Variants in DNAH8 observed in about 807,000 individuals in gnomAD.
The protein encoded by DNAH8 is axonemal beta dynein heavy chain 8.
A neutral mutation model predicts 562.1 loss-of-function variants in DNAH8; 382 were observed. That is an observed-to-expected ratio of 0.68 (90% CI 0.63 to 0.74). DNAH8 has a LOEUF of 0.74. Ranked by LOEUF, DNAH8 falls within the 30% of genes least tolerant of loss-of-function variation. The pLI is 0.00. For missense variants in DNAH8, 5,203 were observed against 5,620.4 expected (o/e 0.93, Z 2.37); for synonymous variants, 1,881 against 1,919.4 (o/e 0.98, Z 0.52).
At chr6:38,843,212 G>GTGAATCCCTC (rs1774974194) in intron 35 of DNAH8, among the ~76,000 whole-genome samples, 1 of 150,904 alleles carries the variant, frequency 6.6e-6, no homozygotes, top group Admixed American at 6.6e-5. Context: ...TGTGTTCTTG[G>GTGAATCCCTC]TGAATCCCTC....
intron 8 of DNAH8, among the ~76,000 whole-genome samples, chr6:38,743,303 C>T (rs970884372): frequency 6.6e-6 from 1 of 152,070 alleles, no homozygotes; most frequent in Non-Finnish European, 1.5e-5. Flanking sequence ...GTGCCTTGCC[C>T]AAAATGTTAA....
In DNAH8 at chr6:38,899,804, G is replaced by C. The variant is rs775756367; in HGVS notation, c.9092G>C (p.Gly3031Ala). The change falls in exon 62 of 93, where the codon GGA becomes GCA. Residue 3031 changes from glycine (G) to alanine (A), a missense_variant. Around this residue, in one of 6 missense-constraint regions of DNAH8, gnomAD observed 977 missense variants for 1,061.8 expected, o/e 0.92. Coordinates refer to ENST00000327475, the MANE Select transcript of DNAH8 (RefSeq NM_001206927.2). ...TCACGAATAATTCGAACGTCGTGTG[G>C]AAATGCATTGCTGGTGGGTGTTGGT... ...KISRIIRTSC[G>A]NALLVGVGGS... 1 of 1,613,606 alleles carries C rather than the reference G, an allele frequency of 6.2e-7. No homozygotes were observed. Among genetic ancestry groups the C allele is most frequent in the Non-Finnish European group, 8.5e-7 (1 of 1,179,718 alleles).
chr6:38,921,309 C>A, intron 70 of DNAH8, 60 bp from the exon 71 acceptor site: 2 of 1,562,328 alleles, frequency 1.3e-6, no homozygotes, highest in South Asian at 2.4e-5. Flanking sequence ...TGTTATCTAC[C>A]AGTTACAATC....
At chr6:38,734,444 A>G in intron 4 of DNAH8, 30 bp from the exon 5 acceptor site, 1 of 1,606,976 alleles carries the variant, frequency 6.2e-7, no homozygotes, top group Non-Finnish European at 8.5e-7. Flanking sequence ...TTGTGTGATT[A>G]TACGCTAAGT....
intron 61 of DNAH8, among the ~76,000 whole-genome samples, chr6:38,898,690 T>C (rs146997543): frequency 7.2e-4 from 110 of 152,252 alleles, no homozygotes; most frequent in African/African-American, 2.5e-3. Context: ...TGTGAAAAAA[T>C]ATACTTCCCT....
chr6:38,838,554 A>G (rs553048351), intron 33 of DNAH8, among the ~76,000 whole-genome samples: 2 of 151,916 alleles, frequency 1.3e-5, no homozygotes, highest in South Asian at 4.2e-4. Flanking sequence ...TCCTACCACC[A>G]TGGCCGGCTA....
intron 34 of DNAH8, 50 bp downstream of exon 34, chr6:38,842,555 A>T: frequency 6.3e-7 from 1 of 1,588,688 alleles, no homozygotes. Flanking sequence ...AGGATCCTAT[A>T]GGTATTTCAG....
chr6:38,861,481 C>T (rs538620221), intron 43 of DNAH8, among the ~76,000 whole-genome samples: 113 of 152,256 alleles, frequency 7.4e-4, no homozygotes, highest in African/African-American at 2.4e-3. Context: ...TCTAAATGAG[C>T]GAATTATTTC....
intron 64 of DNAH8, among the ~76,000 whole-genome samples, chr6:38,908,715 G>T (rs1780666624): frequency 6.6e-6 from 1 of 152,084 alleles, no homozygotes; most frequent in African/African-American, 2.4e-5. Context: ...ACCATGCCCA[G>T]TTAATTTTTG....
At chr6:38,895,002 G>A (rs1779582781) in intron 59 of DNAH8, 138 bp downstream of exon 59, 2 of 810,138 alleles carry the variant, frequency 2.5e-6, no homozygotes, top group Non-Finnish European at 3.6e-6. Flanking sequence ...GATCTCAGCT[G>A]ACCACAACCT....
At chr6:38,863,432 AC>A (rs1193398775) in intron 44 of DNAH8, among the ~76,000 whole-genome samples, 5 of 152,062 alleles carry the variant, frequency 3.3e-5, no homozygotes, top group African/African-American at 9.7e-5. Context: ...ACCAAAAAAA[AC>A]AAAACAAAAC....
chr6:38,736,724 A>C (rs891578507), intron 5 of DNAH8, among the ~76,000 whole-genome samples: 1 of 152,010 alleles, frequency 6.6e-6, no homozygotes, highest in East Asian at 1.9e-4. Context: ...AAAAAAAAAA[A>C]ATCATGGACA....
At chr6:38,779,893 T>A in intron 14 of DNAH8, 73 bp from the exon 15 acceptor site, 1 of 1,359,102 alleles carries the variant, frequency 7.4e-7, no homozygotes, top group Non-Finnish European at 1.0e-6. Flanking sequence ...AATGAATGGA[T>A]GGTTAGTATG....
intron 91 of DNAH8, among the ~76,000 whole-genome samples, chr6:39,014,336 C>T (rs1766425912): frequency 6.6e-6 from 1 of 152,128 alleles, no homozygotes; most frequent in Non-Finnish European, 1.5e-5. Flanking sequence ...GAGTCTCTTT[C>T]CTCCGTATGA....
intron 17 of DNAH8, 65 bp from the exon 18 acceptor site, chr6:38,786,700 A>G: frequency 1.3e-6 from 2 of 1,528,862 alleles, no homozygotes; most frequent in Non-Finnish European, 1.8e-6. Context: ...AGACAGAAAT[A>G]TAAACACAGC....
intron 89 of DNAH8, among the ~76,000 whole-genome samples, chr6:39,011,578 C>G (rs1013753260): frequency 1.3e-5 from 2 of 152,156 alleles, no homozygotes; most frequent in African/African-American, 4.8e-5. Flanking sequence ...TTATTGTTCC[C>G]ACAACCAGAG....
At chr6:38,824,560 T>C (rs1773147490) in intron 28 of DNAH8, among the ~76,000 whole-genome samples, 1 of 152,168 alleles carries the variant, frequency 6.6e-6, no homozygotes, top group Non-Finnish European at 1.5e-5. Flanking sequence ...AAGATTTTAT[T>C]CTCAGACAAT....
intron 91 of DNAH8, among the ~76,000 whole-genome samples, chr6:39,016,669 G>T (rs1322417624): frequency 2.6e-5 from 4 of 152,136 alleles, no homozygotes; most frequent in African/African-American, 9.7e-5. Flanking sequence ...TGGACCATAA[G>T]GAAGACTATA....
At chr6:38,924,856 G>A (rs969763851) in intron 73 of DNAH8, 2 of 152,100 alleles carry the variant, frequency 1.3e-5, no homozygotes, top group African/African-American at 2.4e-5. Flanking sequence ...GTCTAAAAAC[G>A]TAACAGAATA....
Sources: allele counts gnomAD v4.1 joint callset (sites outside exome capture counted in the v4.1 genomes callset), GRCh38; gene constraint gnomAD v4.1.1; regional missense constraint gnomAD v4.1.1; transcripts MANE v1.5; gene names NCBI Gene and HGNC (gene_info 2026-07-23, HGNC 2026-07-21).